TRAPPC13: variants seen among roughly 807,000 people sequenced by gnomAD.
TRAPPC13 encodes the protein trafficking protein particle complex subunit 13.
In TRAPPC13, 39 loss-of-function variants were observed where a neutral mutation model predicts 54.0. The observed-to-expected ratio is 0.72, with a 90% CI of 0.56 to 0.94. The LOEUF (loss-of-function observed/expected upper bound fraction) is 0.94, where lower values mean the gene tolerates loss of function less well. TRAPPC13 is among the 40% of genes least tolerant of loss of function. The pLI is 0.00. For synonymous variants in TRAPPC13, 148 were observed against 167.7 expected, an observed-to-expected ratio of 0.88 and a Z score of 0.91; for missense variants, 386 against 488.1, an observed-to-expected ratio of 0.79 and a Z score of 1.97.
intron 4 of TRAPPC13, among the ~76,000 whole-genome samples, 154 bp downstream of exon 4, chr5:65,637,934 C>T (rs1236201054): frequency 6.6e-6 from 1 of 151,524 alleles, no homozygotes; most frequent in Non-Finnish European, 1.5e-5. Flanking sequence ...GCCTGGCCAA[C>T]ATGGTGAAAC....
rs764408927 is a variant in TRAPPC13 at position 65,664,577 on chromosome 5, G to A, written c.1220G>A (p.Cys407Tyr). ...TYEYDDIAQVCVVSSAIKVES is the reference protein window; with the variant it reads ...TYEYDDIAQVYVVSSAIKVES ...GAATATGATGACATCGCACAAGTCT[G>A]TGTGGTATCTTCTGCCATTAAAGTG... The change falls in exon 13 of 13, where the codon TGT (cysteine) becomes TAT (tyrosine). Residue 407 changes from cysteine (C) to tyrosine (Y), a missense_variant. By Grantham distance (194) the Cys-to-Tyr change is radical (BLOSUM62 -2). Transcript: ENST00000399438. 3 of 1,612,548 alleles carry A rather than the reference G, an allele frequency of 1.9e-6. No individual in the cohort carries two copies. Among genetic ancestry groups the A allele is most frequent in the East Asian group, 2.2e-5 (1 of 44,864 alleles).
intron 5 of TRAPPC13, among the ~76,000 whole-genome samples, chr5:65,649,356 G>A (rs1756335994): frequency 6.6e-6 from 1 of 152,096 alleles, no homozygotes; most frequent in Admixed American, 6.5e-5. Flanking sequence ...GTTTCCTTAT[G>A]TGGAATATTT....
At chr5:65,646,042 A>G (rs574244470) in intron 4 of TRAPPC13, among the ~76,000 whole-genome samples, 9 of 152,180 alleles carry the variant, frequency 5.9e-5, no homozygotes, top group Non-Finnish European at 8.8e-5. Context: ...AGAGAAGACG[A>G]GGTTCCTGCC....
intron 1 of TRAPPC13, among the ~76,000 whole-genome samples, chr5:65,631,914 GA>G (rs35020028): frequency 0.032 from 4,547 of 143,932 alleles, 195 homozygotes; most frequent in African/African-American, 0.1. Context: ...AGGACACTAA[GA>G]AAAAAAAAAA....
chr5:65,652,422 CT>C, intron 6 of TRAPPC13, 78 bp from the exon 7 acceptor site: 4 of 876,008 alleles, frequency 4.6e-6, no homozygotes, highest in Non-Finnish European at 5.1e-6. Flanking sequence ...GACTGACAAA[CT>C]TACACTATTT....
chr5:65,653,523 T>C (rs1157422448), intron 7 of TRAPPC13, among the ~76,000 whole-genome samples: 4 of 152,222 alleles, frequency 2.6e-5, no homozygotes, highest in East Asian at 3.9e-4. Flanking sequence ...AAAAAATGCA[T>C]GTAATAACAA....
chr5:65,631,127 A>G (rs975857529), intron 1 of TRAPPC13, among the ~76,000 whole-genome samples: 1 of 152,226 alleles, frequency 6.6e-6, no homozygotes, highest in Admixed American at 6.5e-5. Flanking sequence ...AGGATATACT[A>G]GGGAAGGAGA....
At chr5:65,639,759 ACAG>A (rs1755896091) in intron 4 of TRAPPC13, among the ~76,000 whole-genome samples, 1 of 152,232 alleles carries the variant, frequency 6.6e-6, no homozygotes, top group African/African-American at 2.4e-5. Context: ...AGAAAATGGA[ACAG>A]TTAGAAGACC....
At chr5:65,660,974 TC>T in intron 10 of TRAPPC13, 77 bp downstream of exon 10, 1 of 1,248,174 alleles carries the variant, frequency 8.0e-7, no homozygotes, top group Non-Finnish European at 1.1e-6. Context: ...TTTTTCTACA[TC>T]CAGCAGTAAA....
chr5:65,630,091 A>G, intron 1 of TRAPPC13: 3 of 1,536,118 alleles, frequency 2.0e-6, no homozygotes, highest in Non-Finnish European at 2.6e-6. Flanking sequence ...ATAGAGCAAG[A>G]TGGACAATAG....
At chr5:65,650,466 T>C (rs1756387472) in intron 5 of TRAPPC13, among the ~76,000 whole-genome samples, 1 of 152,104 alleles carries the variant, frequency 6.6e-6, no homozygotes, top group African/African-American at 2.4e-5. Flanking sequence ...CCAGCTGGAA[T>C]TTTTTTAATC....
At chr5:65,659,778 G>A (rs1756780242) in intron 9 of TRAPPC13, among the ~76,000 whole-genome samples, 2 of 152,000 alleles carry the variant, frequency 1.3e-5, no homozygotes, top group African/African-American at 4.8e-5. Context: ...GAAGCTATGA[G>A]TTCTAGACCA....
intron 1 of TRAPPC13, among the ~76,000 whole-genome samples, chr5:65,633,084 T>C (rs1190464974): frequency 1.3e-5 from 2 of 152,156 alleles, no homozygotes; most frequent in Non-Finnish European, 2.9e-5. Context: ...TGAAACAGAA[T>C]GACCTGTTAC....
intron 1 of TRAPPC13, among the ~76,000 whole-genome samples, chr5:65,633,882 T>C (rs1367855151): frequency 2.0e-5 from 3 of 151,668 alleles, no homozygotes; most frequent in Non-Finnish European, 2.9e-5. Flanking sequence ...CACCTTATAA[T>C]GAATAATCCT....
At position 65,635,850 on chromosome 5, in the gene TRAPPC13, G is replaced by GT. The variant is rs1263488095; in HGVS notation, c.116-88dup. ...TAAATATCATCTTTGTCAAGAGGTT[G>GT]TTTTTTAAAATATCTCTCCCAGCTA... is the stretch of plus-strand genomic sequence containing the variant. On this transcript the variant is annotated intron_variant, in intron 2 of 12. Transcript: ENST00000399438. 6 of 732,332 alleles carry GT rather than the reference G, an allele frequency of 8.2e-6. No individual in the cohort carries two copies. The African/African-American group carries it at 9.3e-5, about 11-fold the overall frequency. The allele number at this position is 732,332 out of a possible 1,614,324, so 45.4% of individuals were successfully genotyped here. A position where few individuals can be genotyped will look rare whatever the true frequency, so the allele number is the denominator to read the frequency against.
intron 7 of TRAPPC13, among the ~76,000 whole-genome samples, chr5:65,655,067 G>C (rs1438844322): frequency 6.6e-6 from 1 of 152,116 alleles, no homozygotes; most frequent in Non-Finnish European, 1.5e-5. Flanking sequence ...AAACATTGAA[G>C]AAATATATAA....
chr5:65,652,555 G>A lies in TRAPPC13; in HGVS notation c.546+10G>A. The A allele has an allele frequency of 6.3e-7, 1 of 1,595,546 alleles. No individual in the cohort carries two copies. The highest frequency in any genetic ancestry group is 8.6e-7 in the Non-Finnish European group (1 of 1,163,872). On this transcript the variant is annotated intron_variant, in intron 7 of 12. Transcript: ENST00000399438. ...ATTTTACAATGCAGAGGTAAGTGTT[G>A]AGTGTTTAATGGGATTTCATATTAA...
chr5:65,645,016 G>A (rs542951321), intron 4 of TRAPPC13, among the ~76,000 whole-genome samples: 4 of 152,048 alleles, frequency 2.6e-5, no homozygotes, highest in South Asian at 4.2e-4. Context: ...GGCCAACATG[G>A]TGAAACCCCA....
rs1476831164 is a variant in TRAPPC13, at chr5:65,647,051, C to G, written c.301-4C>G. ...TTTTTTTTTTTTTTTAACTTTCTTTCAAGGCTGATCTTCAGACAAGTTCTC... is the reference window on the plus strand; with the variant it reads ...TTTTTTTTTTTTTTTAACTTTCTTTGAAGGCTGATCTTCAGACAAGTTCTC... On this transcript the variant is annotated splice_region_variant and splice_polypyrimidine_tract_variant and intron_variant, in intron 4 of 12. Coordinates refer to ENST00000399438, the MANE Select transcript of TRAPPC13 (RefSeq NM_024941.4). 6.7e-7 allele frequency: 1 copy of G among 1,483,030 alleles called. No individual in the cohort carries two copies. The highest frequency in any genetic ancestry group is 1.5e-5 in the African/African-American group (1 of 68,760). 91.9% of individuals were successfully genotyped at this position (1,483,030 alleles called of 1,614,324 possible).
Sources: allele counts gnomAD v4.1 joint callset (sites outside exome capture counted in the v4.1 genomes callset), GRCh38; gene constraint gnomAD v4.1.1; transcripts MANE v1.5; gene names NCBI Gene and HGNC (gene_info 2026-07-23, HGNC 2026-07-21).